The following PDE4D variants were observed in gnomAD, a reference collection of about 807,000 sequenced individuals.
The protein encoded by PDE4D is 3',5'-cyclic-AMP phosphodiesterase 4D.
A neutral mutation model predicts 87.4 loss-of-function variants in PDE4D; 24 were observed. The observed-to-expected ratio is 0.27, with a 90% CI of 0.20 to 0.39. The LOEUF (loss-of-function observed/expected upper bound fraction) is 0.39, where lower values mean the gene tolerates loss of function less well. PDE4D is among the 10% of genes least tolerant of loss of function. PDE4D has a pLI of 1.00. For synonymous variants in PDE4D, 384 were observed against 383.2 expected (o/e 1.00, Z -0.02); for missense variants, 714 against 1,041.0 (o/e 0.69, Z 4.32).
intron 1 of PDE4D, among the ~76,000 whole-genome samples, chr5:60,220,226 T>C (rs1002568699): frequency 3.3e-5 from 5 of 152,152 alleles, no homozygotes; most frequent in Non-Finnish European, 5.9e-5. Context: ...GCACACTGCA[T>C]GAGTGCATGA....
chr5:60,473,107 AAG>A (rs146131896), intron 1 of PDE4D, among the ~76,000 whole-genome samples: 5 of 90,388 alleles, frequency 5.5e-5, no homozygotes, highest in African/African-American at 1.1e-4. Context: ...GAAAGAAAGA[AAG>A]AGAGAGAGAG....
chr5:60,496,760 G>C (rs1749831606), intron 1 of PDE4D, among the ~76,000 whole-genome samples: 1 of 152,178 alleles, frequency 6.6e-6, no homozygotes, highest in Non-Finnish European at 1.5e-5. Context: ...TGATAGGTGG[G>C]AGAGGAAACA....
chr5:59,154,645 G>A (rs1485404300), intron 5 of PDE4D, among the ~76,000 whole-genome samples: 3 of 152,144 alleles, frequency 2.0e-5, no homozygotes, highest in Non-Finnish European at 2.9e-5. Context: ...TCAGCACTTT[G>A]GAGGCCAAGG....
chr5:59,225,138 C>T (rs949667518), intron 1 of PDE4D, among the ~76,000 whole-genome samples: 1 of 152,156 alleles, frequency 6.6e-6, no homozygotes, highest in African/African-American at 2.4e-5. Flanking sequence ...AGGTTTACAG[C>T]TTCAGGTGTT....
At chr5:59,200,849 T>C (rs971117202) in intron 2 of PDE4D, among the ~76,000 whole-genome samples, 9 of 152,036 alleles carry the variant, frequency 5.9e-5, no homozygotes, top group Non-Finnish European at 1.3e-4. Context: ...CCACTGCATG[T>C]ATGTGAGCAC....
chr5:59,658,823 C>A (rs1005845144), intron 1 of PDE4D, among the ~76,000 whole-genome samples: 3 of 150,376 alleles, frequency 2.0e-5, no homozygotes, highest in Non-Finnish European at 3.0e-5. Context: ...TGTGAGTGTT[C>A]GTGTGTGTGT....
intron 4 of PDE4D, among the ~76,000 whole-genome samples, chr5:59,182,194 T>G (rs1741786410): frequency 6.6e-6 from 1 of 152,190 alleles, no homozygotes; most frequent in African/African-American, 2.4e-5. Flanking sequence ...ATTAATATTT[T>G]AAGCAGCTGC....
chr5:59,516,943 GCACACACATAGGCA>G (rs1313925417), intron 1 of PDE4D, among the ~76,000 whole-genome samples: 4,811 of 99,346 alleles, frequency 0.048, 256 homozygotes, highest in African/African-American at 0.22. Flanking sequence ...ACATACATAG[GCACACACATAGGCA>G]CACACACACA....
intron 1 of PDE4D, among the ~76,000 whole-genome samples, chr5:59,765,272 ACAG>A (rs1253322431): frequency 6.6e-6 from 1 of 152,234 alleles, no homozygotes; most frequent in East Asian, 1.9e-4. Flanking sequence ...CTATCAAACA[ACAG>A]AAGTGCTTCT....
chr5:60,492,690 A>T (rs1050414361), upstream of PDE4D, among the ~76,000 whole-genome samples: 2 of 152,092 alleles, frequency 1.3e-5, no homozygotes, highest in African/African-American at 2.4e-5. Context: ...GGAACTGAAC[A>T]ATGAGAACAC....
chr5:60,217,998 T>C (rs1744060060), intron 1 of PDE4D, among the ~76,000 whole-genome samples: 1 of 151,984 alleles, frequency 6.6e-6, no homozygotes, highest in Non-Finnish European at 1.5e-5. Flanking sequence ...CAGCATTTAC[T>C]AAAGCTGAAT....
intron 1 of PDE4D, among the ~76,000 whole-genome samples, chr5:59,398,589 T>A (rs1789955577): frequency 8.5e-6 from 1 of 117,454 alleles, no homozygotes; most frequent in African/African-American, 3.5e-5. Flanking sequence ...TTCAAAATAA[T>A]AAGAGCTATC....
At chr5:59,574,091 T>A (rs1261975541) in intron 1 of PDE4D, among the ~76,000 whole-genome samples, 3 of 5,678 alleles carry the variant, frequency 5.3e-4, no homozygotes, top group African/African-American at 1.3e-3. Context: ...TATTTATATA[T>A]ATAAATATAT....
intron 1 of PDE4D, among the ~76,000 whole-genome samples, chr5:59,580,707 C>T (rs1300614725): frequency 6.6e-6 from 1 of 151,924 alleles, no homozygotes; most frequent in East Asian, 1.9e-4. Context: ...TTGTTATTAC[C>T]AATGTGCTAT....
intron 6 of PDE4D, among the ~76,000 whole-genome samples, chr5:59,029,003 C>T (rs973367802): frequency 2.6e-5 from 4 of 152,150 alleles, no homozygotes; most frequent in Non-Finnish European, 2.9e-5. Context: ...AGATGAGGCA[C>T]TTGGGTGAGT....
intron 5 of PDE4D, among the ~76,000 whole-genome samples, chr5:59,061,624 C>T (rs1187293617): frequency 6.6e-6 from 1 of 152,078 alleles, no homozygotes; most frequent in African/African-American, 2.4e-5. Flanking sequence ...TCACACCCTC[C>T]TCTTACAGAG....
chr5:59,582,397 G>A (rs566964872), intron 1 of PDE4D, among the ~76,000 whole-genome samples: 71 of 152,228 alleles, frequency 4.7e-4, no homozygotes, highest in Non-Finnish European at 7.5e-4. Flanking sequence ...ATGAAGAGGA[G>A]AAAACCTTAA....
At chr5:60,256,294 G>T (rs1321381020) in intron 1 of PDE4D, among the ~76,000 whole-genome samples, 1 of 151,678 alleles carries the variant, frequency 6.6e-6, no homozygotes, top group African/African-American at 2.4e-5. Flanking sequence ...TTTATAATGG[G>T]TTTAATTATT....
intron 1 of PDE4D, among the ~76,000 whole-genome samples, chr5:59,880,377 G>T (rs1401127372): frequency 6.6e-6 from 1 of 151,988 alleles, no homozygotes; most frequent in Non-Finnish European, 1.5e-5. Flanking sequence ...CCTAAAGTAC[G>T]GCGATTACAG....
Sources: gnomAD v4.1 joint callset for allele counts (sites outside exome capture counted in the v4.1 genomes callset) on GRCh38, gnomAD v4.1.1 for gene constraint, MANE v1.5 for transcripts, NCBI Gene and HGNC (gene_info 2026-07-23, HGNC 2026-07-21) for gene names.